The following FMNL3 variants were observed in gnomAD, a reference collection of about 807,000 sequenced individuals.
FMNL3 encodes formin-like protein 3.
Under a neutral mutation model 119.6 loss-of-function variants are expected in FMNL3, and 57 were observed. That is an observed-to-expected ratio of 0.48 (90% CI 0.39 to 0.59). The LOEUF (loss-of-function observed/expected upper bound fraction) is 0.59, where lower values mean the gene tolerates loss of function less well. Ranked by LOEUF, FMNL3 falls within the 20% of genes least tolerant of loss-of-function variation. The pLI is 0.00. For synonymous variants in FMNL3, 491 were observed against 507.3 expected, an observed-to-expected ratio of 0.97 and a Z score of 0.43; for missense variants, 1,053 against 1,323.5, an observed-to-expected ratio of 0.80 and a Z score of 3.17.
chr12:49,641,652 T>C lies in FMNL3; in HGVS notation c.*4163A>G. On this transcript the variant is annotated 3_prime_UTR_variant, in exon 26 of 26. Transcript: ENST00000335154. ...GGAACAAAAGTTAATTTTGAGAAAC[T>C]CAGCATTAATCAGCAGTTGGGAGAC... 2.1e-6 allele frequency: 1 copy of C among 475,492 alleles called. No individual in the cohort carries two copies. Among genetic ancestry groups the C allele is most frequent in the Non-Finnish European group, 3.7e-6 (1 of 267,128 alleles). The allele number at this position is 475,492 out of a possible 1,614,324, so 29.5% of individuals were successfully genotyped here.
At chr12:49,653,687 T>A (rs1265701777) in intron 12 of FMNL3, 38 bp downstream of exon 12, 2 of 1,611,646 alleles carry the variant, frequency 1.2e-6, no homozygotes, top group Admixed American at 1.7e-5. Context: ...TGAGCTTCCA[T>A]CAACAGTGGC....
chr12:49,637,793 A>C lies in FMNL3; in HGVS notation c.*8022T>G. The C allele has an allele frequency of 6.2e-7, 1 of 1,611,524 alleles. No individual in the cohort carries two copies. Among genetic ancestry groups the C allele is most frequent in the Non-Finnish European group, 8.5e-7 (1 of 1,178,102 alleles). On this transcript the variant is annotated 3_prime_UTR_variant, in exon 26 of 26. Coordinates refer to ENST00000335154, the MANE Select transcript of FMNL3 (RefSeq NM_175736.5). ...GAGGAGTTGAAGGCACGATTCCATG[A>C]TGAAAAGAAGATCATTAAGGACATC...
At position 49,707,243 on chromosome 12, in the gene FMNL3, G is replaced by T; in HGVS notation, c.-63C>A. The T allele has an allele frequency of 7.2e-7, 1 of 1,394,600 alleles. No individual in the cohort carries two copies. The highest frequency in any genetic ancestry group is 9.3e-7 in the Non-Finnish European group (1 of 1,070,190). The allele number at this position is 1,394,600 out of a possible 1,614,324, so 86.4% of individuals were successfully genotyped here. A position where few individuals can be genotyped will look rare whatever the true frequency, so the allele number is the denominator to read the frequency against. On this transcript the variant is annotated 5_prime_UTR_variant, in exon 1 of 26. Transcript: ENST00000335154. ...TCCACGCTCCGGAGCTTTCGGCTCC[G>T]CGGCTCCGACCAGGCTCCTCCCTCA...
intron 1 of FMNL3, among the ~76,000 whole-genome samples, chr12:49,677,615 T>C (rs1331029431): frequency 6.6e-6 from 1 of 152,236 alleles, no homozygotes. Flanking sequence ...AACATTTAGC[T>C]GGGAAACAAC....
intron 4 of FMNL3, among the ~76,000 whole-genome samples, chr12:49,663,942 ATTTTT>A (rs544221970): frequency 6.7e-6 from 1 of 149,526 alleles, no homozygotes; most frequent in African/African-American, 2.4e-5. Context: ...TCTCTACTAA[ATTTTT>A]TTTTTTAAGT....
At chr12:49,698,536 A>AG (rs1944816432) in intron 1 of FMNL3, among the ~76,000 whole-genome samples, 1 of 151,488 alleles carries the variant, frequency 6.6e-6, no homozygotes, top group Admixed American at 6.6e-5. Flanking sequence ...AAAAAAAAAA[A>AG]CACCCTATCC....
chr12:49,668,126 G>C (rs142650112), intron 2 of FMNL3, among the ~76,000 whole-genome samples: 1 of 152,170 alleles, frequency 6.6e-6, no homozygotes, highest in Non-Finnish European at 1.5e-5. Context: ...ATTTGCCAGG[G>C]CTAAGACAGA....
intron 1 of FMNL3, among the ~76,000 whole-genome samples, chr12:49,681,264 G>A (rs530287818): frequency 7.2e-5 from 11 of 152,316 alleles, no homozygotes; most frequent in East Asian, 5.8e-4. Flanking sequence ...GCAGTGGCGC[G>A]ATTTCAGCTC....
In FMNL3 at chr12:49,647,820, G is replaced by A. The variant is rs769642198; in HGVS notation, c.2677-16C>T. The A allele has an allele frequency of 1.3e-6, 2 of 1,594,248 alleles. No homozygotes were observed. The highest frequency in any genetic ancestry group is 3.3e-5 in the Admixed American group (2 of 59,940). On this transcript the variant is annotated splice_polypyrimidine_tract_variant and intron_variant, in intron 22 of 25. Coordinates refer to ENST00000335154, the MANE Select transcript of FMNL3 (RefSeq NM_175736.5). This position sits in a 1 kb window ranked among gnomAD's most constrained non-coding sequence, Gnocchi z 4.9. ...TGTAGGCCTCCTGGGGAAGGGGTGG[G>A]CAGAATGGGTCACCCTGGCAGGAAG...
chr12:49,649,526 T>C lies in FMNL3; in HGVS notation c.2248A>G (p.Ile750Val). Residue 750 changes from isoleucine to valine, a missense_variant, in exon 19 of 26, where the codon ATC (isoleucine) becomes GTC (valine). Ile to Val is a conservative substitution (Grantham distance 29). Transcript: ENST00000335154. This position sits in a 1 kb window ranked among gnomAD's most constrained non-coding sequence, Gnocchi z 5.6. The part of the protein sequence containing the change: ...LQMLTPQLNA[I>V]IAASASVKSS... The stretch of plus-strand genomic sequence containing the variant: ...TTGACGGAAGCGGACGCCGCAATGA[T>C]GGCATTGAGTTGCTGTAGGACAATA... 3 of 1,614,180 alleles carry C rather than the reference T, an allele frequency of 1.9e-6. No homozygotes were observed. The highest frequency in any genetic ancestry group is 1.7e-6 in the Non-Finnish European group (2 of 1,180,036).
intron 1 of FMNL3, among the ~76,000 whole-genome samples, chr12:49,693,572 T>C (rs1213502866): frequency 6.7e-6 from 1 of 150,344 alleles, no homozygotes; most frequent in African/African-American, 2.5e-5. Flanking sequence ...TTTTGTCATG[T>C]TGGCCAGGCT....
intron 1 of FMNL3, among the ~76,000 whole-genome samples, chr12:49,705,380 A>C (rs1945020690): frequency 6.6e-6 from 1 of 152,180 alleles, no homozygotes; most frequent in Non-Finnish European, 1.5e-5. Flanking sequence ...TAACTAAACG[A>C]AATGGTCAAC....
At chr12:49,650,577 C>A in intron 17 of FMNL3, 99 bp downstream of exon 17, 1 of 1,352,122 alleles carries the variant, frequency 7.4e-7, no homozygotes, top group Non-Finnish European at 1.0e-6. Context: ...TGAGGGAGTT[C>A]TGTCAGATGA....
chr12:49,677,522 T>C (rs1944223085), intron 1 of FMNL3, among the ~76,000 whole-genome samples: 1 of 152,240 alleles, frequency 6.6e-6, no homozygotes, highest in Non-Finnish European at 1.5e-5. Context: ...TAAGTTAATA[T>C]ATGTAAAGCA....
intron 1 of FMNL3, among the ~76,000 whole-genome samples, chr12:49,692,230 G>C (rs1944625858): frequency 6.6e-6 from 1 of 151,680 alleles, no homozygotes; most frequent in South Asian, 2.1e-4. Flanking sequence ...GTGCACGCCT[G>C]TAGTCCCAGC....
chr12:49,678,008 A>G (rs1328501119), intron 1 of FMNL3, among the ~76,000 whole-genome samples: 1 of 151,698 alleles, frequency 6.6e-6, no homozygotes, highest in East Asian at 1.9e-4. Flanking sequence ...GACTACACAC[A>G]TCCGCCACCA....
At position 49,654,559 on chromosome 12, in the gene FMNL3, A is replaced by G. The variant is rs185309764; in HGVS notation, c.961-257T>C. 1.4e-4 allele frequency among the ~76,000 whole-genome samples: 22 copies of G among 152,324 alleles called. No homozygotes were observed. The East Asian group carries it at 4.2e-3, about 29-fold the overall frequency. ...TATAGCTATCTGATTTCCTTTGTAC[A>G]TCAACAGGTATTCCTCGAGACAACC... On this transcript the variant is annotated intron_variant, in intron 10 of 25. Transcript: ENST00000335154.
At position 49,654,936 on chromosome 12, in the gene FMNL3, T is replaced by C; in HGVS notation, c.934A>G (p.Asn312Asp). The C allele has an allele frequency of 6.2e-7, 1 of 1,614,068 alleles. No homozygotes were observed. Among genetic ancestry groups the C allele is most frequent in the Non-Finnish European group, 8.5e-7 (1 of 1,179,982 alleles). Reference protein sequence around the residue: ...RFEKLMEYFRNEDSNIDFMVA... With the variant: ...RFEKLMEYFRDEDSNIDFMVA... The stretch of plus-strand genomic sequence containing the variant: ...ATGAAGTCAATATTGCTGTCCTCAT[T>C]CCGGAAATACTCCATCAGCTTCTCA... The change falls in exon 10 of 26, where the codon AAT becomes GAT. Residue 312 changes from asparagine to aspartate, a missense_variant. Coordinates refer to ENST00000335154, the MANE Select transcript of FMNL3 (RefSeq NM_175736.5).
chr12:49,681,543 T>C (rs1944335352), intron 1 of FMNL3, among the ~76,000 whole-genome samples: 1 of 151,970 alleles, frequency 6.6e-6, no homozygotes, highest in Non-Finnish European at 1.5e-5. Context: ...CAGGGATGAC[T>C]GGATTTGAAT....
Sources: allele counts gnomAD v4.1 joint callset (sites outside exome capture counted in the v4.1 genomes callset), GRCh38; gene constraint gnomAD v4.1.1; non-coding constraint Gnocchi (gnomAD v3.1); transcripts MANE v1.5; gene names NCBI Gene and HGNC (gene_info 2026-07-23, HGNC 2026-07-21).